Variants in CNTN5 observed in about 807,000 individuals in gnomAD.
CNTN5 encodes the protein contactin 5.
A neutral mutation model predicts 129.1 loss-of-function variants in CNTN5; 77 were observed. The ratio of observed to expected loss-of-function variants is 0.60; its 90% CI spans 0.50 to 0.72. The LOEUF (loss-of-function observed/expected upper bound fraction) is 0.72, where lower values mean the gene tolerates loss of function less well. Ranked by LOEUF, CNTN5 falls within the 30% of genes least tolerant of loss-of-function variation. The pLI is 0.00. For missense variants in CNTN5, 1,478 were observed against 1,328.8 expected, an observed-to-expected ratio of 1.11 and a Z score of -1.75; for synonymous variants, 509 against 465.6, an observed-to-expected ratio of 1.09 and a Z score of -1.20.
intron 8 of CNTN5, among the ~76,000 whole-genome samples, chr11:99,974,074 A>G (rs759101739): frequency 3.9e-5 from 6 of 152,254 alleles, no homozygotes; most frequent in Non-Finnish European, 5.9e-5. Context: ...AGAGATAGCA[A>G]GCTGCCTAAG....
chr11:99,032,112 C>A (rs1863418589), intron 1 of CNTN5, among the ~76,000 whole-genome samples: 2 of 152,072 alleles, frequency 1.3e-5, no homozygotes, highest in African/African-American at 4.8e-5. Flanking sequence ...TTTTTTATGG[C>A]TGCATATTAT....
At chr11:99,757,618 C>A (rs959842031) in intron 3 of CNTN5, among the ~76,000 whole-genome samples, 2 of 151,882 alleles carry the variant, frequency 1.3e-5, no homozygotes, top group Non-Finnish European at 2.9e-5. Context: ...CTACAGAGAC[C>A]CTATTTCCAA....
intron 2 of CNTN5, among the ~76,000 whole-genome samples, chr11:99,437,891 C>G (rs967796283): frequency 1.5e-4 from 23 of 152,112 alleles, no homozygotes; most frequent in Admixed American, 6.6e-5. Flanking sequence ...AATAAAACTT[C>G]CCAAATTTTC....
At chr11:99,940,080 C>A (rs1305357544) in intron 7 of CNTN5, among the ~76,000 whole-genome samples, 1 of 151,900 alleles carries the variant, frequency 6.6e-6, no homozygotes, top group Non-Finnish European at 1.5e-5. Context: ...TTAATAGGAG[C>A]AGGGGGAGGA....
intron 3 of CNTN5, among the ~76,000 whole-genome samples, chr11:99,779,577 T>G (rs976913608): frequency 1.9e-4 from 29 of 152,152 alleles, no homozygotes; most frequent in African/African-American, 6.5e-4. Flanking sequence ...GTGTGCCAAG[T>G]ATTAGTCCTT....
intron 8 of CNTN5, among the ~76,000 whole-genome samples, chr11:99,978,141 T>C (rs1165846112): frequency 6.6e-6 from 1 of 151,984 alleles, no homozygotes; most frequent in East Asian, 1.9e-4. Flanking sequence ...AACAAAAGAA[T>C]TGCAAAAGAT....
intron 3 of CNTN5, among the ~76,000 whole-genome samples, chr11:99,747,401 C>T (rs1289907035): frequency 2.7e-5 from 4 of 147,776 alleles, no homozygotes; most frequent in African/African-American, 1.0e-4. Context: ...ATATTTATTT[C>T]TTTTCCTTGC....
intron 21 of CNTN5, chr11:100,337,732 T>G (rs1952064094): frequency 8.9e-6 from 4 of 447,280 alleles, no homozygotes; most frequent in Non-Finnish European, 1.3e-5. Flanking sequence ...GAAGTCAGTT[T>G]CATCTATAAA....
chr11:99,056,483 C>T (rs1864629307), intron 1 of CNTN5, among the ~76,000 whole-genome samples: 1 of 151,946 alleles, frequency 6.6e-6, no homozygotes, highest in Non-Finnish European at 1.5e-5. Context: ...TTGGTTAGGG[C>T]ACCACCAGTA....
At chr11:100,264,826 C>A (rs561513840) in intron 17 of CNTN5, among the ~76,000 whole-genome samples, 2 of 152,038 alleles carry the variant, frequency 1.3e-5, no homozygotes, top group Non-Finnish European at 2.9e-5. Flanking sequence ...CCCCAAGGGT[C>A]GAGCTAATTT....
chr11:99,379,969 ATACACATAT>A, intron 2 of CNTN5, among the ~76,000 whole-genome samples: 1 of 152,222 alleles, frequency 6.6e-6, no homozygotes, highest in Admixed American at 6.5e-5. Flanking sequence ...AGGTTCATAT[ATACACATAT>A]AATGTGTATA....
chr11:99,079,299 T>C (rs1223551092), intron 1 of CNTN5, among the ~76,000 whole-genome samples: 2 of 152,132 alleles, frequency 1.3e-5, no homozygotes, highest in African/African-American at 4.8e-5. Context: ...AATACTGTAT[T>C]AAGACTTCCT....
intron 3 of CNTN5, among the ~76,000 whole-genome samples, chr11:99,675,712 TAAATC>T (rs1953249540): frequency 6.6e-6 from 1 of 151,982 alleles, no homozygotes; most frequent in Non-Finnish European, 1.5e-5. Context: ...TAGAAACAGA[TAAATC>T]TAAATGGAAA....
intron 11 of CNTN5, among the ~76,000 whole-genome samples, chr11:100,071,143 G>A (rs1943906196): frequency 6.6e-6 from 1 of 151,964 alleles, no homozygotes; most frequent in South Asian, 2.1e-4. Flanking sequence ...ACTATCTTAT[G>A]ATACTGAAGT....
At chr11:100,244,109 A>C (rs1949795236) in intron 16 of CNTN5, among the ~76,000 whole-genome samples, 1 of 152,124 alleles carries the variant, frequency 6.6e-6, no homozygotes, top group Non-Finnish European at 1.5e-5. Flanking sequence ...TTAAGTACCA[A>C]CTCATTGCTG....
intron 2 of CNTN5, among the ~76,000 whole-genome samples, chr11:99,429,014 G>A (rs912085362): frequency 6.6e-6 from 1 of 151,972 alleles, no homozygotes; most frequent in South Asian, 2.1e-4. Flanking sequence ...AAATCTTCAT[G>A]CCAAATTTTG....
intron 16 of CNTN5, among the ~76,000 whole-genome samples, chr11:100,251,099 T>G (rs1949954328): frequency 6.6e-6 from 1 of 152,170 alleles, no homozygotes; most frequent in African/African-American, 2.4e-5. Context: ...CTGACAGAGT[T>G]TCATACTGAT....
chr11:99,523,469 C>T (rs1254721184), intron 2 of CNTN5, among the ~76,000 whole-genome samples: 1 of 152,004 alleles, frequency 6.6e-6, no homozygotes, highest in African/African-American at 2.4e-5. Flanking sequence ...ATCGTGTGTG[C>T]CTGTCATTCC....
chr11:100,245,565 G>A (rs80101733), intron 16 of CNTN5, among the ~76,000 whole-genome samples: 1,817 of 152,056 alleles, frequency 0.012, 22 homozygotes, highest in Non-Finnish European at 0.021. Context: ...GAATATTAGG[G>A]AGTCAACCAC....
Sources: gnomAD v4.1 joint callset for allele counts (sites outside exome capture counted in the v4.1 genomes callset) on GRCh38, gnomAD v4.1.1 for gene constraint, MANE v1.5 for transcripts, NCBI Gene and HGNC (gene_info 2026-07-23, HGNC 2026-07-21) for gene names.